The following CCDC83 variants were observed in gnomAD, a reference collection of about 807,000 sequenced individuals.
CCDC83 encodes the protein coiled-coil domain containing 83.
A neutral mutation model predicts 50.1 loss-of-function variants in CCDC83; 54 were observed. That is an observed-to-expected ratio of 1.08 (90% CI 0.87 to 1.35). The LOEUF (loss-of-function observed/expected upper bound fraction) is 1.35. Ranked by LOEUF, CCDC83 falls within the 40% of genes most tolerant of loss-of-function variation. The probability of loss-of-function intolerance (pLI) is 0.00; values close to 1 mark genes in which losing one functional copy is unlikely to be tolerated. For missense variants in CCDC83, 518 were observed against 473.9 expected (o/e 1.09, Z -0.86); for synonymous variants, 161 against 153.3 (o/e 1.05, Z -0.37).
chr11:85,919,298 G>C (rs772317560), intron 10 of CCDC83, 51 bp from the exon 11 acceptor site: 3 of 1,505,634 alleles, frequency 2.0e-6, no homozygotes, highest in Non-Finnish European at 2.7e-6. Context: ...TATCAAGCTG[G>C]TAATTTGCTG....
rs368216585 is a variant in CCDC83 at position 85,911,212 on chromosome 11, T to G, written c.673-69T>G. ...AAAAAAGAAAGAAAAAAGAAAAAAATAAAGAAAAGAAAACTTAATAGAACT... is the reference window on the plus strand; with the variant it reads ...AAAAAAGAAAGAAAAAAGAAAAAAAGAAAGAAAAGAAAACTTAATAGAACT... On this transcript the variant is annotated intron_variant, in intron 7 of 10. Coordinates refer to ENST00000342404, the MANE Select transcript of CCDC83 (RefSeq NM_001286159.2). 63 of 1,117,288 alleles carry G rather than the reference T, an allele frequency of 5.6e-5. 2 individuals carry two copies. The highest frequency in any genetic ancestry group is 2.9e-4 in the South Asian group (10 of 34,216). The allele number at this position is 1,117,288 out of a possible 1,614,324, so 69.2% of individuals were successfully genotyped here. A position where few individuals can be genotyped will look rare whatever the true frequency, so the allele number is the denominator to read the frequency against.
intron 7 of CCDC83, among the ~76,000 whole-genome samples, chr11:85,908,753 A>C (rs1253541427): frequency 5.8e-5 from 4 of 68,456 alleles, no homozygotes; most frequent in African/African-American, 3.5e-4. Flanking sequence ...AAAAAATACC[A>C]AAAAAAAAAA....
At chr11:85,864,648 T>G (rs1361658762) in intron 1 of CCDC83, among the ~76,000 whole-genome samples, 1 of 152,246 alleles carries the variant, frequency 6.6e-6, no homozygotes, top group Non-Finnish European at 1.5e-5. Context: ...CTGATTCTAA[T>G]TCTTAAGTCT....
intron 7 of CCDC83, among the ~76,000 whole-genome samples, chr11:85,907,098 G>A (rs1038343445): frequency 6.6e-6 from 1 of 152,030 alleles, no homozygotes; most frequent in Non-Finnish European, 1.5e-5. Flanking sequence ...AATTTCTTTG[G>A]TGAAAGTTTA....
chr11:85,910,685 A>G (rs1049575411), intron 7 of CCDC83, among the ~76,000 whole-genome samples: 2 of 152,212 alleles, frequency 1.3e-5, no homozygotes, highest in African/African-American at 4.8e-5. Context: ...TTTGAAGGGT[A>G]CAAAAGGACA....
intron 9 of CCDC83, 70 bp downstream of exon 9, chr11:85,915,568 C>G: frequency 8.9e-7 from 1 of 1,124,186 alleles, no homozygotes; most frequent in South Asian, 1.4e-5. Context: ...AAAACACTTA[C>G]CTATTGTGAG....
At chr11:85,910,620 G>C (rs2093449279) in intron 7 of CCDC83, among the ~76,000 whole-genome samples, 1 of 152,176 alleles carries the variant, frequency 6.6e-6, no homozygotes, top group Non-Finnish European at 1.5e-5. Context: ...AAATTCATCA[G>C]CCATGTTTTC....
chr11:85,910,360 A>G (rs954039880), intron 7 of CCDC83, among the ~76,000 whole-genome samples: 1 of 152,238 alleles, frequency 6.6e-6, no homozygotes, highest in African/African-American at 2.4e-5. Flanking sequence ...CATGATAGCC[A>G]TATGATACAA....
At chr11:85,871,640 C>T (rs769784670) in intron 2 of CCDC83, among the ~76,000 whole-genome samples, 10 of 152,036 alleles carry the variant, frequency 6.6e-5, no homozygotes, top group East Asian at 1.9e-4. Context: ...TTAATCCTTA[C>T]GATAATATGC....
intron 3 of CCDC83, among the ~76,000 whole-genome samples, chr11:85,875,914 A>G (rs1011588145): frequency 3.3e-5 from 5 of 152,062 alleles, no homozygotes; most frequent in Non-Finnish European, 5.9e-5. Flanking sequence ...CACTCTGTCT[A>G]CTTCCCTACT....
At chr11:85,884,524 T>TA (rs1459216071) in intron 4 of CCDC83, among the ~76,000 whole-genome samples, 1 of 152,140 alleles carries the variant, frequency 6.6e-6, no homozygotes, top group South Asian at 2.1e-4. Context: ...GTTGCAAGGA[T>TA]AAAAAATCCA....
chr11:85,895,352 C>T lies in CCDC83; in HGVS notation c.571C>T (p.Gln191Ter), dbSNP rs774596910. ...GAAAATAATCAAGGAAACTTTGTTGCAACTGGACCAAAAGAAGGAATGGGC... is the reference window on the plus strand; with the variant it reads ...GAAAATAATCAAGGAAACTTTGTTGTAACTGGACCAAAAGAAGGAATGGGC... ...RKKIIKETLL[Q>*]LDQKKEWATQ... is the part of the protein sequence containing the mutation. The change falls in exon 6 of 11, where the codon CAA becomes TAA. Residue 191 changes from glutamine to a stop codon, truncating the protein, a stop_gained. Transcript: ENST00000342404. LOFTEE classifies it high-confidence loss of function. 2.6e-6 allele frequency: 4 copies of T among 1,529,264 alleles called. No homozygotes were observed. Among genetic ancestry groups the T allele is most frequent in the Non-Finnish European group, 2.7e-6 (3 of 1,129,056 alleles). 94.7% of individuals were successfully genotyped at this position (1,529,264 alleles called of 1,614,324 possible). A position where few individuals can be genotyped will look rare whatever the true frequency, so the allele number is the denominator to read the frequency against.
At chr11:85,883,485 G>C (rs2093311857) in intron 4 of CCDC83, among the ~76,000 whole-genome samples, 1 of 152,066 alleles carries the variant, frequency 6.6e-6, no homozygotes, top group Non-Finnish European at 1.5e-5. Flanking sequence ...AACATGGGTA[G>C]TAATGACACT....
At chr11:85,911,175 T>TAAAAAAAAAAAAAAAAAGAAAAAAAAAA (rs2093451768) in intron 7 of CCDC83, 106 bp from the exon 8 acceptor site, 1 of 611,570 alleles carries the variant, frequency 1.6e-6, no homozygotes, top group Non-Finnish European at 2.1e-6. Context: ...CCGTCTCAAA[T>TAAAAAAAAAAAAAAAAAGAAAAAAAAAA]AAAAAAAAAA....
At chr11:85,900,130 C>G (rs116526682) in intron 7 of CCDC83, among the ~76,000 whole-genome samples, 3 of 152,224 alleles carry the variant, frequency 2.0e-5, no homozygotes, top group Non-Finnish European at 2.9e-5. Context: ...CTGGGAGATT[C>G]TCTGCTCAGA....
intron 1 of CCDC83, among the ~76,000 whole-genome samples, chr11:85,860,723 T>C (rs1592132271): frequency 6.6e-6 from 1 of 152,032 alleles, no homozygotes; most frequent in South Asian, 2.1e-4. Flanking sequence ...AGCAAACACA[T>C]AAAATCAACC....
At position 85,896,490 on chromosome 11, in the gene CCDC83, A is replaced by C. The variant is rs113451646; in HGVS notation, c.603+1106A>C. Reference sequence around the variant, plus strand: ...GAGAGCCAACTTGATGCTTAAAGGAAATGTTCTTTGGAGCATTTTAGATTT... The same window carrying C: ...GAGAGCCAACTTGATGCTTAAAGGACATGTTCTTTGGAGCATTTTAGATTT... On this transcript the variant is annotated intron_variant, in intron 6 of 10. Coordinates refer to ENST00000342404, the MANE Select transcript of CCDC83 (RefSeq NM_001286159.2). Among the ~76,000 whole-genome samples, 116 of 151,984 alleles carry C rather than the reference A, an allele frequency of 7.6e-4. 1 individual carries two copies. The highest frequency in any genetic ancestry group is 2.7e-3 in the African/African-American group (111 of 41,494).
intron 7 of CCDC83, among the ~76,000 whole-genome samples, chr11:85,902,145 G>A (rs971215974): frequency 8.9e-6 from 1 of 111,850 alleles, no homozygotes; most frequent in Admixed American, 1.3e-4. Flanking sequence ...AGAACAAAAG[G>A]AAAATCCTAA....
At chr11:85,911,173 A>C (rs1386509075) in intron 7 of CCDC83, 108 bp from the exon 8 acceptor site, 2 of 992,158 alleles carry the variant, frequency 2.0e-6, no homozygotes, top group African/African-American at 3.4e-5. Flanking sequence ...CTCCGTCTCA[A>C]ATAAAAAAAA....
Sources: gnomAD v4.1 joint callset for allele counts (sites outside exome capture counted in the v4.1 genomes callset) on GRCh38, gnomAD v4.1.1 for gene constraint, MANE v1.5 for transcripts, NCBI Gene and HGNC (gene_info 2026-07-23, HGNC 2026-07-21) for gene names.